Variants in CFAP299 observed in about 807,000 individuals in gnomAD.
CFAP299 encodes cilia- and flagella-associated protein 299.
A neutral mutation model predicts 27.0 loss-of-function variants in CFAP299; 21 were observed. The ratio of observed to expected loss-of-function variants is 0.78; its 90% CI spans 0.55 to 1.12. The LOEUF (loss-of-function observed/expected upper bound fraction) is 1.12, where lower values mean the gene tolerates loss of function less well. Ranked by LOEUF, CFAP299 falls within the 50% of genes most tolerant of loss-of-function variation. The pLI, the probability that CFAP299 is intolerant of heterozygous loss-of-function variation, is 0.00. For missense variants in CFAP299, 310 were observed against 276.6 expected (o/e 1.12, Z -0.86); for synonymous variants, 104 against 98.1 (o/e 1.06, Z -0.36).
intron 3 of CFAP299, among the ~76,000 whole-genome samples, chr4:80,640,769 T>C (rs974630649): frequency 1.3e-5 from 2 of 152,180 alleles, no homozygotes; most frequent in African/African-American, 4.8e-5. Context: ...ACATTGCTTA[T>C]GTTCTGTGTC....
At chr4:80,400,076 G>A (rs1018643137) in intron 2 of CFAP299, among the ~76,000 whole-genome samples, 5 of 152,110 alleles carry the variant, frequency 3.3e-5, no homozygotes, top group African/African-American at 1.2e-4. Flanking sequence ...TGAAATGTGT[G>A]CTTTACTTAC....
chr4:80,684,121 G>A (rs1281441293), intron 3 of CFAP299, among the ~76,000 whole-genome samples: 1 of 152,104 alleles, frequency 6.6e-6, no homozygotes, highest in Non-Finnish European at 1.5e-5. Flanking sequence ...CTAAATTTTT[G>A]CCAAAGCGAT....
chr4:80,876,371 A>G (rs866046534), intron 4 of CFAP299, among the ~76,000 whole-genome samples: 1 of 152,012 alleles, frequency 6.6e-6, no homozygotes. Context: ...GAGTTCTCAC[A>G]AGATCTGATG....
At chr4:80,632,319 CTCT>C (rs1560667838) in intron 3 of CFAP299, among the ~76,000 whole-genome samples, 1 of 151,974 alleles carries the variant, frequency 6.6e-6, no homozygotes, top group Non-Finnish European at 1.5e-5. Flanking sequence ...ATAATTTCCC[CTCT>C]TCTTCATATC....
chr4:80,921,444 G>A (rs961551066), intron 4 of CFAP299, among the ~76,000 whole-genome samples: 1 of 152,032 alleles, frequency 6.6e-6, no homozygotes, highest in Admixed American at 6.6e-5. Flanking sequence ...GACATTTCCA[G>A]CCTTGAAAGA....
In CFAP299 at chr4:80,930,662, A is replaced by G. The variant is rs186882553; in HGVS notation, c.477-14148A>G. Among the ~76,000 whole-genome samples the G allele has an allele frequency of 4.1e-3, 617 of 152,246 alleles. 1 individual carries two copies. Among genetic ancestry groups the G allele is most frequent in the Middle Eastern group, 0.014 (4 of 294 alleles). On this transcript the variant is annotated intron_variant, in intron 4 of 5. Transcript: ENST00000358105. ...CTTCTATGTTGATTGTTGTGGGTGA[A>G]AGTGGAGGGGAAAAAATTGTGTTTT... is the stretch of plus-strand genomic sequence containing the variant.
chr4:80,727,097 A>C (rs1723208045), intron 3 of CFAP299, among the ~76,000 whole-genome samples: 2 of 152,140 alleles, frequency 1.3e-5, no homozygotes, highest in African/African-American at 4.8e-5. Flanking sequence ...CCAAGATAAC[A>C]TTTAAATGTT....
intron 3 of CFAP299, among the ~76,000 whole-genome samples, chr4:80,606,663 A>G (rs1737694441): frequency 1.3e-5 from 2 of 152,202 alleles, no homozygotes; most frequent in African/African-American, 4.8e-5. Context: ...ATTAGACTCT[A>G]CACGTGCTCT....
At chr4:80,903,758 C>T (rs1322456080) in intron 4 of CFAP299, among the ~76,000 whole-genome samples, 1 of 152,004 alleles carries the variant, frequency 6.6e-6, no homozygotes, top group Admixed American at 6.6e-5. Context: ...AGCTAGCTCT[C>T]AGTCTATTCA....
intron 2 of CFAP299, among the ~76,000 whole-genome samples, chr4:80,566,613 G>A (rs1026255476): frequency 2.0e-5 from 3 of 152,036 alleles, no homozygotes; most frequent in African/African-American, 2.4e-5. Context: ...CAGTTTCAGC[G>A]TTCTCCAGAG....
chr4:80,503,827 G>T (rs977417237), intron 2 of CFAP299, among the ~76,000 whole-genome samples: 1 of 152,072 alleles, frequency 6.6e-6, no homozygotes, highest in Admixed American at 6.6e-5. Flanking sequence ...GAGTTAAAAG[G>T]GATGCCAAAA....
intron 3 of CFAP299, among the ~76,000 whole-genome samples, chr4:80,711,839 A>G (rs1325352688): frequency 6.6e-6 from 1 of 152,216 alleles, no homozygotes; most frequent in Non-Finnish European, 1.5e-5. Flanking sequence ...TAGGCCCTCC[A>G]AGTATGCTTA....
chr4:80,356,216 G>A (rs545131907), intron 1 of CFAP299, among the ~76,000 whole-genome samples: 5 of 152,098 alleles, frequency 3.3e-5, no homozygotes, highest in Admixed American at 2.6e-4. Flanking sequence ...TTTTGTACCA[G>A]TACCATGCTG....
chr4:80,827,339 C>T (rs776924974), intron 3 of CFAP299, among the ~76,000 whole-genome samples: 2 of 151,826 alleles, frequency 1.3e-5, no homozygotes, highest in Non-Finnish European at 3.0e-5. Flanking sequence ...TTTAACAGCA[C>T]ATTACAATGA....
At chr4:80,345,253 C>T (rs1298501696) in intron 1 of CFAP299, among the ~76,000 whole-genome samples, 3 of 152,038 alleles carry the variant, frequency 2.0e-5, no homozygotes, top group Admixed American at 6.6e-5. Context: ...ATTGTCCCAG[C>T]CCAACAGTTT....
intron 3 of CFAP299, among the ~76,000 whole-genome samples, chr4:80,841,337 A>G (rs1730851023): frequency 6.6e-6 from 1 of 152,108 alleles, no homozygotes; most frequent in African/African-American, 2.4e-5. Context: ...AACAACCTGT[A>G]GAGCACTAGT....
Position 80,691,561 on chromosome 4 carries a change from T to C in CFAP299, c.333+108378T>C, listed in dbSNP as rs1187394086. On this transcript the variant is annotated intron_variant, in intron 3 of 5. Transcript: ENST00000358105. Reference sequence around the variant, plus strand: ...ACGTATTTCAAAATAATAGGAGCTATCTATGACAAACCCACAGCCAATATC... The same window carrying C: ...ACGTATTTCAAAATAATAGGAGCTACCTATGACAAACCCACAGCCAATATC... Among the ~76,000 whole-genome samples, 5 of 152,170 alleles carry C rather than the reference T, an allele frequency of 3.3e-5. No homozygotes were observed. The South Asian group carries it at 8.3e-4, about 25-fold the overall frequency.
At chr4:80,468,748 T>C (rs975674727) in intron 2 of CFAP299, among the ~76,000 whole-genome samples, 5 of 146,258 alleles carry the variant, frequency 3.4e-5, no homozygotes, top group African/African-American at 5.1e-5. Context: ...GGCAGAAGAA[T>C]CGCTTGAACC....
intron 2 of CFAP299, among the ~76,000 whole-genome samples, chr4:80,488,452 A>G (rs2110135084): frequency 6.6e-6 from 1 of 152,068 alleles, no homozygotes; most frequent in African/African-American, 2.4e-5. Context: ...GAAAACAACA[A>G]ACAAAATAGC....
Sources: allele counts gnomAD v4.1 joint callset (sites outside exome capture counted in the v4.1 genomes callset), GRCh38; gene constraint gnomAD v4.1.1; transcripts MANE v1.5; gene names NCBI Gene and HGNC (gene_info 2026-07-23, HGNC 2026-07-21).